The following LSAMP variants were observed in gnomAD, a reference collection of about 807,000 sequenced individuals.
LSAMP encodes the protein limbic system-associated membrane protein.
In LSAMP, 7 loss-of-function variants were observed where a neutral mutation model predicts 38.6. The observed-to-expected ratio is 0.18, with a 90% CI of 0.10 to 0.34. The LOEUF (loss-of-function observed/expected upper bound fraction) is 0.34. Ranked by LOEUF, LSAMP falls within the 10% of genes least tolerant of loss-of-function variation. The pLI is 1.00. For missense variants in LSAMP, 313 were observed against 420.0 expected (o/e 0.75, Z 2.23); for synonymous variants, 154 against 166.8 (o/e 0.92, Z 0.59).
At chr3:115,836,216 G>C (rs1934779863) in intron 6 of LSAMP, among the ~76,000 whole-genome samples, 1 of 152,028 alleles carries the variant, frequency 6.6e-6, no homozygotes, top group Non-Finnish European at 1.5e-5. Flanking sequence ...GCTCCACCCT[G>C]TTATCATCGT....
intron 1 of LSAMP, among the ~76,000 whole-genome samples, chr3:116,292,531 C>G (rs1449844035): frequency 6.6e-6 from 1 of 152,054 alleles, no homozygotes; most frequent in Non-Finnish European, 1.5e-5. Flanking sequence ...GCAAATGCAC[C>G]CAGTGAATTT....
chr3:116,094,925 T>C lies in LSAMP; in HGVS notation c.156-8369A>G, dbSNP rs141961297. On this transcript the variant is annotated intron_variant, in intron 1 of 6. Coordinates refer to ENST00000490035, the MANE Select transcript of LSAMP (RefSeq NM_002338.5). ...TTTAAATCAAATGAGGTGACGTACATAGAAACATTTCATAAAACAAAGCAA... is the reference window on the plus strand; with the variant it reads ...TTTAAATCAAATGAGGTGACGTACACAGAAACATTTCATAAAACAAAGCAA... 2.0e-3 allele frequency among the ~76,000 whole-genome samples: 302 copies of C among 152,340 alleles called. 1 individual carries two copies. The highest frequency in any genetic ancestry group is 4.2e-3 in the Admixed American group (65 of 15,306).
intron 1 of LSAMP, among the ~76,000 whole-genome samples, chr3:116,211,420 A>G (rs540255457): frequency 2.0e-5 from 3 of 152,354 alleles, no homozygotes; most frequent in Admixed American, 6.5e-5. Flanking sequence ...TCAAAAATGT[A>G]TACATGTTTC....
chr3:116,198,555 G>T (rs1280703978), intron 1 of LSAMP, among the ~76,000 whole-genome samples: 1 of 150,648 alleles, frequency 6.6e-6, no homozygotes, highest in Non-Finnish European at 1.5e-5. Context: ...GGATCACGAG[G>T]CCAGGAGATC....
chr3:115,861,367 T>A (rs1044283704), intron 3 of LSAMP, among the ~76,000 whole-genome samples: 1 of 152,076 alleles, frequency 6.6e-6, no homozygotes, highest in Non-Finnish European at 1.5e-5. Context: ...AGCCTTCCTG[T>A]GAATTACTGT....
intron 1 of LSAMP, among the ~76,000 whole-genome samples, chr3:116,372,820 A>C (rs1383326319): frequency 1.3e-5 from 2 of 151,736 alleles, no homozygotes; most frequent in Non-Finnish European, 2.9e-5. Flanking sequence ...AAAGCAAATC[A>C]AAACTACAGT....
chr3:116,125,455 G>A (rs1327217362), intron 1 of LSAMP, among the ~76,000 whole-genome samples: 1 of 139,608 alleles, frequency 7.2e-6, no homozygotes, highest in Non-Finnish European at 1.5e-5. Context: ...TTCTTTCCTA[G>A]TTGAGAGTTT....
intron 1 of LSAMP, among the ~76,000 whole-genome samples, chr3:116,233,971 C>T (rs996866829): frequency 6.6e-6 from 1 of 152,214 alleles, no homozygotes; most frequent in African/African-American, 2.4e-5. Context: ...AGACTCTCCA[C>T]TTGAAGTGCT....
At chr3:116,387,500 T>A (rs971253277) in intron 1 of LSAMP, among the ~76,000 whole-genome samples, 2 of 152,108 alleles carry the variant, frequency 1.3e-5, no homozygotes, top group Admixed American at 1.3e-4. Context: ...TAAAAATATG[T>A]GCAACTATGT....
At chr3:115,872,462 G>GA (rs1172224084) in intron 3 of LSAMP, among the ~76,000 whole-genome samples, 2 of 152,068 alleles carry the variant, frequency 1.3e-5, no homozygotes, top group East Asian at 3.9e-4. Flanking sequence ...GATCAAGAGG[G>GA]AAAACTACAG....
chr3:116,050,702 AAGGT>A (rs1941381024), intron 2 of LSAMP, among the ~76,000 whole-genome samples: 1 of 152,198 alleles, frequency 6.6e-6, no homozygotes, highest in South Asian at 2.1e-4. Flanking sequence ...AGCAAAATAA[AAGGT>A]TTGGAGTCAG....
chr3:116,352,238 T>C (rs2048151193), intron 1 of LSAMP, among the ~76,000 whole-genome samples: 1 of 152,060 alleles, frequency 6.6e-6, no homozygotes, highest in Non-Finnish European at 1.5e-5. Context: ...TACCTGATCA[T>C]CATTGATGTG....
intron 1 of LSAMP, among the ~76,000 whole-genome samples, chr3:116,247,449 A>G (rs537766548): frequency 2.6e-5 from 4 of 152,366 alleles, no homozygotes; most frequent in African/African-American, 9.6e-5. Context: ...TAGACTGAAA[A>G]AGTATTTAAG....
At chr3:116,117,810 A>G (rs1708785756) in intron 1 of LSAMP, among the ~76,000 whole-genome samples, 1 of 152,178 alleles carries the variant, frequency 6.6e-6, no homozygotes, top group South Asian at 2.1e-4. Context: ...TAAGAAGGGT[A>G]TATACTCTCA....
chr3:116,403,390 G>C (rs866950109), intron 1 of LSAMP, among the ~76,000 whole-genome samples: 1 of 151,832 alleles, frequency 6.6e-6, no homozygotes, highest in East Asian at 1.9e-4. Flanking sequence ...TCATCTTAAG[G>C]GTTTGCTTTT....
intron 1 of LSAMP, among the ~76,000 whole-genome samples, chr3:116,328,206 G>A (rs2047800399): frequency 6.6e-6 from 1 of 152,148 alleles, no homozygotes; most frequent in Non-Finnish European, 1.5e-5. Context: ...GCAACGCAAC[G>A]TCAAGAATAT....
chr3:116,059,891 C>T (rs1012794042), intron 2 of LSAMP, among the ~76,000 whole-genome samples: 2 of 152,150 alleles, frequency 1.3e-5, no homozygotes, highest in Non-Finnish European at 2.9e-5. Flanking sequence ...TGTATGCAGC[C>T]CTCCTGCTGG....
intron 2 of LSAMP, among the ~76,000 whole-genome samples, chr3:116,076,666 AT>A (rs1186096369): frequency 9.9e-5 from 15 of 152,232 alleles, no homozygotes; most frequent in Non-Finnish European, 1.5e-5. Context: ...TTTTAGATAC[AT>A]AAAAAATTCA....
chr3:116,257,127 G>A (rs550808680), intron 1 of LSAMP, among the ~76,000 whole-genome samples: 1 of 152,266 alleles, frequency 6.6e-6, no homozygotes, highest in East Asian at 1.9e-4. Flanking sequence ...GGAGGTCAGA[G>A]GATGCCCTTC....
Sources: gnomAD v4.1 joint callset for allele counts (sites outside exome capture counted in the v4.1 genomes callset) on GRCh38, gnomAD v4.1.1 for gene constraint, MANE v1.5 for transcripts, NCBI Gene and HGNC (gene_info 2026-07-23, HGNC 2026-07-21) for gene names.